C5orf58: variants seen among roughly 807,000 people sequenced by gnomAD.
The protein encoded by C5orf58 is chromosome 5 open reading frame 58.
Under a neutral mutation model 2.9 loss-of-function variants are expected in C5orf58, and 2 were observed. The ratio of observed to expected loss-of-function variants is 0.69; its 90% CI spans 0.28 to 2.18. C5orf58 has a LOEUF of 2.18. Ranked by LOEUF, C5orf58 falls within the 30% of genes most tolerant of loss-of-function variation. C5orf58 has a pLI of 0.13. For missense variants in C5orf58, 96 were observed against 91.7 expected, an observed-to-expected ratio of 1.05 and a Z score of -0.19; for synonymous variants, 37 against 33.4, an observed-to-expected ratio of 1.11 and a Z score of -0.37.
At chr5:170,248,897 A>G, downstream of C5orf58, 1 of 1,407,698 alleles carries the variant, frequency 7.1e-7, no homozygotes, top group Non-Finnish European at 9.9e-7. Flanking sequence ...TTTTATCTGC[A>G]TAATATATGC....
At chr5:170,241,333 TG>T in intron 3 of C5orf58, among the ~76,000 whole-genome samples, 1 of 150,198 alleles carries the variant, frequency 6.7e-6, no homozygotes, top group Non-Finnish European at 1.5e-5. Context: ...GGTAGCTTGA[TG>T]GGGATGGCAT....
At chr5:170,252,407 A>G (rs1057089830), downstream of C5orf58, 2 of 1,301,246 alleles carry the variant, frequency 1.5e-6, no homozygotes, top group Admixed American at 3.7e-5. Flanking sequence ...ATTTACAACT[A>G]TGTTAAAATA....
Position 170,251,814 on chromosome 5 carries a change from T to G in C5orf58, c.*159T>G, listed in dbSNP as rs374528507. 43 of 329,230 alleles carry G rather than the reference T, an allele frequency of 1.3e-4. No homozygotes were observed. The East Asian group carries it at 1.4e-3, about 11-fold the overall frequency. The allele number at this position is 329,230 out of a possible 1,614,324, so 20.4% of individuals were successfully genotyped here. A position where few individuals can be genotyped will look rare whatever the true frequency, so the allele number is the denominator to read the frequency against. On this transcript the variant is annotated 3_prime_UTR_variant, in exon 3 of 3. Coordinates refer to the C5orf58 transcript ENST00000517575. ...TCAAGGTGAGACCCAGGAATCGGGA[T>G]TTTTCAAAAGTTCTCCGGGTGATCT...
downstream of C5orf58, chr5:170,248,702 G>A: frequency 6.2e-7 from 1 of 1,611,944 alleles, no homozygotes; most frequent in Non-Finnish European, 8.5e-7. Flanking sequence ...ACTTGCTATG[G>A]GTACCCTGCA....
rs137864669 is a variant in C5orf58 at position 170,237,286 on chromosome 5, A to G, written c.94+2216A>G. 485 of 398,434 alleles carry G rather than the reference A, an allele frequency of 1.2e-3. 3 individuals carry two copies. Among genetic ancestry groups the G allele is most frequent in the African/African-American group, 8.9e-3 (432 of 48,728 alleles). The allele number at this position is 398,434 out of a possible 1,614,324, so 24.7% of individuals were successfully genotyped here. A position where few individuals can be genotyped will look rare whatever the true frequency, so the allele number is the denominator to read the frequency against. ...CCCTAAATAGTAATGTCAGCAGCCA[A>G]CCTTTACAGAATTTACCATAATCCA... On this transcript the variant is annotated intron_variant, in intron 3 of 3. Coordinates refer to ENST00000593851, the MANE Select transcript of C5orf58 (RefSeq NM_001102609.3).
At chr5:170,247,447 T>G (rs1459323056), downstream of C5orf58, 1 of 152,246 alleles carries the variant, frequency 6.6e-6, no homozygotes, top group African/African-American at 2.4e-5. Flanking sequence ...TGCAAGATAC[T>G]CTTTTCCATT....
intron 2 of C5orf58, chr5:170,251,516 A>G: frequency 2.8e-6 from 1 of 354,778 alleles, no homozygotes; most frequent in Non-Finnish European, 5.8e-6. Flanking sequence ...TACTGTAAAG[A>G]TCTAATATTA....
chr5:170,238,731 C>G (rs1367110576), intron 3 of C5orf58, among the ~76,000 whole-genome samples: 1 of 152,208 alleles, frequency 6.6e-6, no homozygotes, highest in Non-Finnish European at 1.5e-5. Context: ...ATGACTCCAG[C>G]TTCACTGGAA....
At chr5:170,233,048 T>G (rs1581030670) in intron 1 of C5orf58, 41 bp downstream of exon 1, 1 of 895,634 alleles carries the variant, frequency 1.1e-6, no homozygotes, top group South Asian at 5.1e-5. Flanking sequence ...GATCCTAATC[T>G]GGTTTGGGAG....
chr5:170,250,883 A>C, downstream of C5orf58: 1 of 1,613,010 alleles, frequency 6.2e-7, no homozygotes, highest in Non-Finnish European at 8.5e-7. Flanking sequence ...GAAATGTGCC[A>C]TCCTAAAAAG....
In C5orf58 at chr5:170,246,124, G is replaced by T. The variant is rs947840686; in HGVS notation, c.*11G>T. On this transcript the variant is annotated 3_prime_UTR_variant, in exon 4 of 4. Transcript: ENST00000593851. ...AGTTTTTCTATCTGATTTCTTATTT[G>T]TTATGAGTTTCTGTTTTATTGTTGA... 2 of 1,600,658 alleles carry T rather than the reference G, an allele frequency of 1.2e-6. No homozygotes were observed. Among genetic ancestry groups the T allele is most frequent in the Non-Finnish European group, 1.7e-6 (2 of 1,172,150 alleles).
chr5:170,246,277 C>A, downstream of C5orf58: 1 of 572,688 alleles, frequency 1.7e-6, no homozygotes, highest in Non-Finnish European at 2.9e-6. Context: ...AATGGCTTAA[C>A]TTACGTCACT....
chr5:170,240,043 G>C (rs1405437248), intron 3 of C5orf58, among the ~76,000 whole-genome samples: 2 of 147,852 alleles, frequency 1.4e-5, no homozygotes, highest in African/African-American at 2.5e-5. Context: ...TTTTGTTCTT[G>C]CGATAGTTTA....
chr5:170,245,250 G>T (rs1412306540), intron 3 of C5orf58, among the ~76,000 whole-genome samples: 1 of 152,214 alleles, frequency 6.6e-6, no homozygotes, highest in East Asian at 1.9e-4. Context: ...TGCCCCCAGA[G>T]GTGGAGCCTA....
chr5:170,240,485 G>T (rs983621940), intron 3 of C5orf58, among the ~76,000 whole-genome samples: 2 of 151,898 alleles, frequency 1.3e-5, no homozygotes, highest in African/African-American at 4.8e-5. Flanking sequence ...GTGTGAGATG[G>T]TATCTCATTG....
intron 3 of C5orf58, among the ~76,000 whole-genome samples, chr5:170,236,739 C>G (rs1252086222): frequency 6.6e-6 from 1 of 152,196 alleles, no homozygotes; most frequent in African/African-American, 2.4e-5. Flanking sequence ...ACTTGTCTGT[C>G]TGAAATCCCA....
chr5:170,236,647 C>G (rs1760753825), intron 3 of C5orf58, among the ~76,000 whole-genome samples: 2 of 152,134 alleles, frequency 1.3e-5, no homozygotes, highest in Non-Finnish European at 2.9e-5. Context: ...TTACTCTGTT[C>G]TTACTGCATG....
intron 1 of C5orf58, 81 bp from the exon 2 acceptor site, chr5:170,234,034 A>G: frequency 2.7e-6 from 2 of 751,602 alleles, no homozygotes; most frequent in South Asian, 1.5e-5. Context: ...ATGCCCAAGG[A>G]AGGCAGCTGA....
chr5:170,245,833 A>T, intron 3 of C5orf58, 129 bp from the exon 4 acceptor site: 1 of 888,604 alleles, frequency 1.1e-6, no homozygotes, highest in Non-Finnish European at 1.7e-6. Flanking sequence ...AATGGGACAC[A>T]CTTAAGTTGT....
Sources: allele counts gnomAD v4.1 joint callset (sites outside exome capture counted in the v4.1 genomes callset), GRCh38; gene constraint gnomAD v4.1.1; transcripts MANE v1.5; gene names NCBI Gene and HGNC (gene_info 2026-07-23, HGNC 2026-07-21).